The following KIAA1549L variants were observed in gnomAD, a reference collection of about 807,000 sequenced individuals.
KIAA1549L encodes UPF0606 protein KIAA1549L.
KIAA1549L carries 88 observed loss-of-function variants against 160.7 expected under a neutral mutation model. The observed-to-expected ratio is 0.55, with a 90% CI of 0.46 to 0.65. The LOEUF (loss-of-function observed/expected upper bound fraction) is 0.65, where lower values mean the gene tolerates loss of function less well. KIAA1549L is among the 30% of genes least tolerant of loss of function. The probability of loss-of-function intolerance (pLI) is 0.00; values close to 1 mark genes in which losing one functional copy is unlikely to be tolerated. For synonymous variants in KIAA1549L, 950 were observed against 976.7 expected (o/e 0.97, Z 0.51); for missense variants, 2,258 against 2,437.5 (o/e 0.93, Z 1.55).
At chr11:33,409,020 T>C (rs1216737632) in intron 1 of KIAA1549L, among the ~76,000 whole-genome samples, 1 of 150,318 alleles carries the variant, frequency 6.7e-6, no homozygotes, top group Non-Finnish European at 1.5e-5. Context: ...ACTGCTTGTG[T>C]GGGGAAATAT....
chr11:33,381,005 G>A (rs1166329262), intron 1 of KIAA1549L, among the ~76,000 whole-genome samples: 2 of 151,736 alleles, frequency 1.3e-5, no homozygotes, highest in East Asian at 2.0e-4. Flanking sequence ...GTTCTCACAG[G>A]GATTAGAGAG....
intron 1 of KIAA1549L, among the ~76,000 whole-genome samples, chr11:33,386,866 G>T (rs1420497140): frequency 1.3e-5 from 2 of 152,146 alleles, no homozygotes; most frequent in Non-Finnish European, 2.9e-5. Context: ...CAACACTTTG[G>T]GAGCCCAAGG....
chr11:33,413,723 T>C, intron 1 of KIAA1549L, among the ~76,000 whole-genome samples: 1 of 152,190 alleles, frequency 6.6e-6, no homozygotes, highest in East Asian at 1.9e-4. Flanking sequence ...GTTTTAGGCA[T>C]GGAGGAACAA....
At chr11:33,508,541 G>A (rs202166371) in intron 1 of KIAA1549L, among the ~76,000 whole-genome samples, 5 of 152,336 alleles carry the variant, frequency 3.3e-5, no homozygotes, top group East Asian at 1.9e-4. Context: ...TTACACCTGC[G>A]TGTGTGTACT....
At chr11:33,463,833 A>C (rs1241293735) in intron 1 of KIAA1549L, among the ~76,000 whole-genome samples, 2 of 152,226 alleles carry the variant, frequency 1.3e-5, no homozygotes, top group African/African-American at 4.8e-5. Flanking sequence ...CCCATTATTA[A>C]CAATGAATTT....
At chr11:33,441,697 T>C (rs1194795314) in intron 1 of KIAA1549L, among the ~76,000 whole-genome samples, 1 of 152,248 alleles carries the variant, frequency 6.6e-6, no homozygotes, top group East Asian at 1.9e-4. Context: ...TTCATGTGTC[T>C]TTTGGCTGCA....
chr11:33,520,766 ATTG>A (rs1853472891), intron 1 of KIAA1549L, among the ~76,000 whole-genome samples: 1 of 126,370 alleles, frequency 7.9e-6, no homozygotes, highest in African/African-American at 3.1e-5. Context: ...CTCTCTCGTA[ATTG>A]TTTTTTCTTG....
rs760804877 is a variant in KIAA1549L at position 33,645,874 on chromosome 11, C to T, written c.5598C>T (p.His1866=). The change falls in exon 17 of 21, where the codon CAC becomes CAT. Residue 1866 remains histidine, a synonymous_variant. Transcript: ENST00000658780. ...EEAFSLASAG[H]AGQSRHQEAY... Reference sequence around the variant, plus strand: ...CCTTCAGCCTGGCATCCGCGGGCCACGCAGGCCAGAGCCGGCACCAAGAGG... The same window carrying T: ...CCTTCAGCCTGGCATCCGCGGGCCATGCAGGCCAGAGCCGGCACCAAGAGG... 1.2e-5 allele frequency: 19 copies of T among 1,613,850 alleles called. No individual in the cohort carries two copies. The East Asian group carries it at 1.3e-4, about 11-fold the overall frequency.
In KIAA1549L at chr11:33,673,152, T is replaced by G. The variant is rs988675006; in HGVS notation, c.*4998T>G. 1 of 152,138 alleles carries G rather than the reference T, an allele frequency of 6.6e-6. No homozygotes were observed. Among genetic ancestry groups the G allele is most frequent in the Admixed American group, 6.5e-5 (1 of 15,272 alleles). The allele number at this position is 152,138 out of a possible 1,614,324, so 9.4% of individuals were successfully genotyped here. On this transcript the variant is annotated 3_prime_UTR_variant, in exon 21 of 21. Coordinates refer to ENST00000658780, the MANE Select transcript of KIAA1549L (RefSeq NM_012194.3). ...ATAATTGTGCCACACACACATTACTTTAGAAGATATGCAGTTGCTCTGATT... is the reference window on the plus strand; with the variant it reads ...ATAATTGTGCCACACACACATTACTGTAGAAGATATGCAGTTGCTCTGATT...
intron 17 of KIAA1549L, among the ~76,000 whole-genome samples, chr11:33,653,858 T>C (rs1282777601): frequency 1.3e-5 from 2 of 152,060 alleles, no homozygotes; most frequent in African/African-American, 4.8e-5. Context: ...GATTAATCTA[T>C]TATTTACTTC....
chr11:33,655,875 G>T, intron 17 of KIAA1549L, 137 bp from the exon 18 acceptor site: 1 of 648,838 alleles, frequency 1.5e-6, no homozygotes, highest in Non-Finnish European at 2.8e-6. Context: ...TGTGAGGGAA[G>T]ATCTTAGAAA....
rs761847406 is a variant in KIAA1549L at position 33,574,690 on chromosome 11, T to C, written c.4231-12T>C. The C allele has an allele frequency of 6.3e-7, 1 of 1,586,446 alleles. No individual in the cohort carries two copies. The highest frequency in any genetic ancestry group is 8.6e-7 in the Non-Finnish European group (1 of 1,157,876). On this transcript the variant is annotated splice_polypyrimidine_tract_variant and intron_variant, in intron 9 of 20. Coordinates refer to ENST00000658780, the MANE Select transcript of KIAA1549L (RefSeq NM_012194.3). Reference sequence around the variant, plus strand: ...ATGCCCTGCAAACACTCGGCCTCTCTTTTTCCGAAAGATGGTGAAGATGCA... The same window carrying C: ...ATGCCCTGCAAACACTCGGCCTCTCCTTTTCCGAAAGATGGTGAAGATGCA...
At position 33,376,525 on chromosome 11, in the gene KIAA1549L, T is replaced by C. The variant is rs1849955462; in HGVS notation, c.-127T>C. ...AGGACGAGCGAGCCAGTCGCGCCGC[T>C]CGGCGCCCCCTCCCTCCGGCGCCCG... On this transcript the variant is annotated 5_prime_UTR_variant, in exon 1 of 21. Transcript: ENST00000658780. The surrounding 1 kb of genome is among the most constrained non-coding windows in gnomAD (Gnocchi z 5.8). The C allele has an allele frequency of 6.8e-6, 1 of 147,446 alleles. No homozygotes were observed. Among genetic ancestry groups the C allele is most frequent in the Admixed American group, 6.7e-5 (1 of 14,918 alleles). 9.1% of individuals were successfully genotyped at this position (147,446 alleles called of 1,614,324 possible).
chr11:33,656,465 G>T (rs1852068891), intron 18 of KIAA1549L, among the ~76,000 whole-genome samples: 2 of 152,214 alleles, frequency 1.3e-5, no homozygotes, highest in South Asian at 4.1e-4. Context: ...TAAGGGTGGT[G>T]TCTGAGAAGC....
chr11:33,668,083 G>C lies in KIAA1549L; in HGVS notation c.6370G>C (p.Val2124Leu), dbSNP rs1454004233. The change falls in exon 21 of 21, where the codon GTG becomes CTG. Residue 2124 changes from valine to leucine, a missense_variant. By Grantham distance (32) the Val-to-Leu change is conservative. This residue lies in a region of KIAA1549L where 1,359 missense variants were observed against 1,546.6 expected (regional missense o/e 0.88). Coordinates refer to ENST00000658780, the MANE Select transcript of KIAA1549L (RefSeq NM_012194.3). ...GACCAACATCTCCACTGCGGCCCTT[G>C]TGAAGGCCATCCGGGAGGAGGTGGC... ...PLTNISTAALVKAIREEVAKL... is the reference protein window; with the variant it reads ...PLTNISTAALLKAIREEVAKL... The C allele has an allele frequency of 1.2e-6, 2 of 1,614,018 alleles. No individual in the cohort carries two copies. Among genetic ancestry groups the C allele is most frequent in the East Asian group, 2.2e-5 (1 of 44,888 alleles).
chr11:33,624,134 T>C (rs1301329686), intron 16 of KIAA1549L, among the ~76,000 whole-genome samples: 1 of 152,196 alleles, frequency 6.6e-6, no homozygotes, highest in Admixed American at 6.5e-5. Flanking sequence ...GCTGACCCCA[T>C]GGAGGCTCTG....
rs1201911689 is a variant in KIAA1549L, at chr11:33,583,327, C to G, written c.4403-11C>G. The G allele has an allele frequency of 6.3e-7, 1 of 1,596,524 alleles. No homozygotes were observed. The highest frequency in any genetic ancestry group is 8.5e-7 in the Non-Finnish European group (1 of 1,171,454). ...GCTTGTCATGTCCCTCCTGCTGGCTCTTTCCCACAGCCGTGGTGAAGAACC... is the reference window on the plus strand; with the variant it reads ...GCTTGTCATGTCCCTCCTGCTGGCTGTTTCCCACAGCCGTGGTGAAGAACC... On this transcript the variant is annotated splice_polypyrimidine_tract_variant and intron_variant, in intron 10 of 20. Coordinates refer to ENST00000658780, the MANE Select transcript of KIAA1549L (RefSeq NM_012194.3).
At chr11:33,479,277 A>G (rs1852359724) in intron 1 of KIAA1549L, among the ~76,000 whole-genome samples, 1 of 152,240 alleles carries the variant, frequency 6.6e-6, no homozygotes, top group South Asian at 2.1e-4. Flanking sequence ...GCCAGAGGGC[A>G]TTCAAGTGAC....
At chr11:33,500,314 T>G (rs1400095093) in intron 1 of KIAA1549L, among the ~76,000 whole-genome samples, 1 of 152,178 alleles carries the variant, frequency 6.6e-6, no homozygotes, top group Non-Finnish European at 1.5e-5. Context: ...AGTACTGATA[T>G]GAGAATTAAA....
Sources: allele counts gnomAD v4.1 joint callset (sites outside exome capture counted in the v4.1 genomes callset), GRCh38; gene constraint gnomAD v4.1.1; regional missense constraint gnomAD v4.1.1; non-coding constraint Gnocchi (gnomAD v3.1); transcripts MANE v1.5; gene names NCBI Gene and HGNC (gene_info 2026-07-23, HGNC 2026-07-21).